The following LYPLAL1 variants were observed in gnomAD, a reference collection of about 807,000 sequenced individuals.
The protein encoded by LYPLAL1 is lysophospholipase like 1.
A neutral mutation model predicts 19.7 loss-of-function variants in LYPLAL1; 23 were observed. The observed-to-expected ratio is 1.17, with a 90% CI of 0.84 to 1.65. The LOEUF is 1.65. LYPLAL1 is among the 40% of genes most tolerant of loss of function. The pLI is 0.00. For synonymous variants in LYPLAL1, 119 were observed against 96.3 expected (o/e 1.24, Z -1.38); for missense variants, 355 against 279.4 (o/e 1.27, Z -1.93).
chr1:219,176,363 AC>A (rs1285442580), intron 1 of LYPLAL1, among the ~76,000 whole-genome samples: 1 of 152,220 alleles, frequency 6.6e-6, no homozygotes, highest in Non-Finnish European at 1.5e-5. Context: ...TAGTAGGTCC[AC>A]AAAGCCCAAA....
intron 2 of LYPLAL1, among the ~76,000 whole-genome samples, chr1:219,183,764 T>G (rs1656486092): frequency 6.6e-6 from 1 of 151,974 alleles, no homozygotes; most frequent in African/African-American, 2.4e-5. Flanking sequence ...GTATCAATAG[T>G]TCAATTTTTA....
At chr1:219,427,435 A>G in the LYPLAL1 span, among the ~76,000 whole-genome samples, 1 of 152,222 alleles carries the variant, frequency 6.6e-6, no homozygotes, top group African/African-American at 2.4e-5. Context: ...TGTATATTGT[A>G]TATGCAGTCA....
At chr1:219,329,712 G>A in the LYPLAL1 span, among the ~76,000 whole-genome samples, 1 of 152,186 alleles carries the variant, frequency 6.6e-6, no homozygotes, top group African/African-American at 2.4e-5. Context: ...TGCTTAATGG[G>A]AGTGAGAGGA....
chr1:219,406,162 A>G, the LYPLAL1 span, among the ~76,000 whole-genome samples: 1 of 152,224 alleles, frequency 6.6e-6, no homozygotes, highest in Non-Finnish European at 1.5e-5. Context: ...AAAAAAGGAA[A>G]TAAGTTATTA....
chr1:219,330,176 A>T, the LYPLAL1 span, among the ~76,000 whole-genome samples: 1 of 152,222 alleles, frequency 6.6e-6, no homozygotes, highest in South Asian at 2.1e-4. Context: ...CTGCATTTTA[A>T]GTAACCACTT....
At chr1:219,224,772 C>T in the LYPLAL1 span, among the ~76,000 whole-genome samples, 1 of 152,128 alleles carries the variant, frequency 6.6e-6, no homozygotes, top group Non-Finnish European at 1.5e-5. Flanking sequence ...TCTCCCTCTG[C>T]CTCAGTGTGA....
At chr1:219,249,524 CTT>C in the LYPLAL1 span, among the ~76,000 whole-genome samples, 16 of 151,954 alleles carry the variant, frequency 1.1e-4, no homozygotes, top group African/African-American at 3.6e-4. Context: ...ATGCATGTCT[CTT>C]GATGTGCAAA....
the LYPLAL1 span, among the ~76,000 whole-genome samples, chr1:219,419,548 A>AACACACACACACAC: frequency 3.7e-4 from 36 of 97,792 alleles, no homozygotes; most frequent in African/African-American, 4.6e-4. Flanking sequence ...GCCCTAGCCC[A>AACACACACACACAC]ACACACACAC....
At chr1:219,295,986 T>C in the LYPLAL1 span, among the ~76,000 whole-genome samples, 16 of 152,296 alleles carry the variant, frequency 1.1e-4, no homozygotes, top group East Asian at 2.9e-3. Flanking sequence ...GTCTTTAAAA[T>C]TGCTTTTTCT....
chr1:219,265,371 A>G, the LYPLAL1 span, among the ~76,000 whole-genome samples: 1 of 152,240 alleles, frequency 6.6e-6, no homozygotes, highest in Admixed American at 6.5e-5. Context: ...GCATTTGTGA[A>G]GAGATGAATC....
the LYPLAL1 span, among the ~76,000 whole-genome samples, chr1:219,226,871 T>C: frequency 6.6e-6 from 1 of 152,232 alleles, no homozygotes; most frequent in Non-Finnish European, 1.5e-5. Context: ...TAAAATCATA[T>C]ATAAAGATAG....
In LYPLAL1 at chr1:219,193,251, G is replaced by T; in HGVS notation, c.361G>T (p.Gly121Ter). ...SGIKKNRILIGGFSMGGCMAI... is the reference protein window; with the variant it reads ...SGIKKNRILI ...CATCAAGAAGAACAGGATATTAATA[G>T]GTAAGACCTTTAAATGTTGGTAATT... is the stretch of plus-strand genomic sequence containing the variant. The change falls in exon 3 of 5, where the codon GGA becomes TGA. Residue 121 changes from glycine (G) to a stop codon, truncating the protein, a stop_gained and splice_region_variant. Transcript: ENST00000366928. LOFTEE classifies it high-confidence loss of function. The T allele has an allele frequency of 6.2e-7, 1 of 1,603,614 alleles. No homozygotes were observed. The highest frequency in any genetic ancestry group is 1.1e-5 in the South Asian group (1 of 90,234).
chr1:219,282,698 T>C, the LYPLAL1 span, among the ~76,000 whole-genome samples: 1 of 152,156 alleles, frequency 6.6e-6, no homozygotes, highest in Admixed American at 6.5e-5. Flanking sequence ...TGAGTGACAG[T>C]GATTTTCAAC....
chr1:219,311,140 T>G, the LYPLAL1 span, among the ~76,000 whole-genome samples: 11 of 152,256 alleles, frequency 7.2e-5, no homozygotes, highest in African/African-American at 2.2e-4. Context: ...TCTAAGAGTT[T>G]TTTTTTTTTT....
At chr1:219,335,482 AC>A in the LYPLAL1 span, among the ~76,000 whole-genome samples, 18 of 152,088 alleles carry the variant, frequency 1.2e-4, no homozygotes, top group African/African-American at 3.1e-4. Context: ...TGAAAAAAAA[AC>A]ATTAGAATTT....
At chr1:219,418,780 C>T in the LYPLAL1 span, among the ~76,000 whole-genome samples, 1 of 152,200 alleles carries the variant, frequency 6.6e-6, no homozygotes, top group Non-Finnish European at 1.5e-5. Flanking sequence ...TCCAAAAATC[C>T]TATGTGCTCT....
Position 219,211,733 on chromosome 1 carries a change from A to G in LYPLAL1, c.*5A>G, listed in dbSNP as rs375499871. ...GAAATGGAAAAACAAAAATGAATGA[A>G]TCAAGAGTGATTTGTTAATGTAAGT... On this transcript the variant is annotated 3_prime_UTR_variant, in exon 5 of 5. Coordinates refer to ENST00000366928, the MANE Select transcript of LYPLAL1 (RefSeq NM_138794.5). 3.2e-5 allele frequency: 50 copies of G among 1,564,756 alleles called. No homozygotes were observed. The highest frequency in any genetic ancestry group is 1.8e-4 in the Middle Eastern group (1 of 5,656).
intron 3 of LYPLAL1, 51 bp from the exon 4 acceptor site, chr1:219,210,481 C>G: frequency 8.6e-7 from 1 of 1,162,960 alleles, no homozygotes; most frequent in South Asian, 1.4e-5. Context: ...TATATCATAT[C>G]CTAAATTATT....
the LYPLAL1 span, among the ~76,000 whole-genome samples, chr1:219,239,891 C>G: frequency 1.3e-5 from 2 of 152,206 alleles, no homozygotes; most frequent in African/African-American, 2.4e-5. Context: ...CCCTGCTCAT[C>G]AGATGGTAAT....
Sources: gnomAD v4.1 joint callset for allele counts (sites outside exome capture counted in the v4.1 genomes callset) on GRCh38, gnomAD v4.1.1 for gene constraint, MANE v1.5 for transcripts, NCBI Gene and HGNC (gene_info 2026-07-23, HGNC 2026-07-21) for gene names.